Variants in FRYL observed in about 807,000 individuals in gnomAD.
FRYL encodes the protein protein furry homolog-like.
Under a neutral mutation model 351.2 loss-of-function variants are expected in FRYL, and 150 were observed. That is an observed-to-expected ratio of 0.43 (90% CI 0.37 to 0.49). FRYL has a LOEUF of 0.49. Among genes scored for constraint, FRYL ranks in the 20% least tolerant of loss-of-function variants. FRYL has a pLI of 0.00. For missense variants in FRYL, 3,036 were observed against 3,619.3 expected (o/e 0.84, Z 4.13); for synonymous variants, 1,153 against 1,257.1 (o/e 0.92, Z 1.75).
rs573351298 is a variant in FRYL at position 48,568,830 on chromosome 4, TACA to T, written c.2997-1413_2997-1411del. Among the ~76,000 whole-genome samples, 7 of 152,338 alleles carry T rather than the reference TACA, an allele frequency of 4.6e-5. No homozygotes were observed. The East Asian group carries it at 1.2e-3, about 25-fold the overall frequency. On this transcript the variant is annotated intron_variant, in intron 27 of 63. Transcript: ENST00000358350. ...TGGATAGGAAACTGATTTAGTGGAC[TACA>T]ACCTGTACCAGAATAAAATCTTCAT... is the stretch of plus-strand genomic sequence containing the variant.
chr4:48,661,379 C>T (rs1760685242), intron 3 of FRYL, among the ~76,000 whole-genome samples: 1 of 152,136 alleles, frequency 6.6e-6, no homozygotes, highest in Non-Finnish European at 1.5e-5. Context: ...AAGAGGAACA[C>T]TACAAGCACC....
intron 6 of FRYL, among the ~76,000 whole-genome samples, chr4:48,619,951 T>C (rs541132759): frequency 1.2e-4 from 18 of 152,368 alleles, no homozygotes; most frequent in Non-Finnish European, 2.2e-4. Flanking sequence ...GTATTTTAAA[T>C]TTCATTTAGA....
Position 48,557,637 on chromosome 4 carries a change from T to A in FRYL, c.3941A>T (p.Asn1314Ile). ...TTTTAAGTCCACCAGCTCGATGTTG[T>A]TCATCCATGGTAGCAGGTAGTGCAG... Reference protein sequence around the residue: ...VMLHYLLPWMNNIELVDLKPL... With the variant: ...VMLHYLLPWMINIELVDLKPL... Residue 1314 changes from asparagine to isoleucine, a missense_variant, in exon 34 of 64, where the codon AAC becomes ATC. Coordinates refer to ENST00000358350, the MANE Select transcript of FRYL (RefSeq NM_015030.2). The A allele has an allele frequency of 6.2e-7, 1 of 1,614,176 alleles. No individual in the cohort carries two copies. The highest frequency in any genetic ancestry group is 8.5e-7 in the Non-Finnish European group (1 of 1,180,028).
At chr4:48,710,320 CAT>C (rs1483779824) in intron 2 of FRYL, among the ~76,000 whole-genome samples, 197 bp downstream of exon 2, 3 of 152,298 alleles carry the variant, frequency 2.0e-5, no homozygotes, top group East Asian at 3.8e-4. Context: ...TAGTTGTTCA[CAT>C]GTGTTTATAT....
intron 1 of FRYL, among the ~76,000 whole-genome samples, chr4:48,769,047 G>A (rs1775258099): frequency 6.6e-6 from 1 of 151,752 alleles, no homozygotes; most frequent in Admixed American, 6.6e-5. Flanking sequence ...TGAGATGGGA[G>A]GATCACTTGA....
In FRYL at chr4:48,497,412, A is replaced by T. The variant is rs1718687234; in HGVS notation, c.*2010T>A. 6.6e-6 allele frequency: 1 copy of T among 152,568 alleles called. No homozygotes were observed. The highest frequency in any genetic ancestry group is 2.4e-5 in the African/African-American group (1 of 41,456). The allele number at this position is 152,568 out of a possible 1,614,324, so 9.5% of individuals were successfully genotyped here. A position where few individuals can be genotyped will look rare whatever the true frequency, so the allele number is the denominator to read the frequency against. ...ATATTAATAGACTTAGTTACATATA[A>T]ATAAACACAAAAAGCAAATATCAAC... On this transcript the variant is annotated 3_prime_UTR_variant, in exon 64 of 64. Transcript: ENST00000358350.
chr4:48,499,741 TTTAAG>T, intron 63 of FRYL, 61 bp from the exon 64 acceptor site: 1 of 1,486,332 alleles, frequency 6.7e-7, no homozygotes, highest in Non-Finnish European at 9.2e-7. Context: ...ACTAACTCAA[TTTAAG>T]TTAAATACCT....
At chr4:48,696,845 GATCTATCTATCTATCTATCT>G (rs71660456) in intron 2 of FRYL, among the ~76,000 whole-genome samples, 1,867 of 144,618 alleles carry the variant, frequency 0.013, 44 homozygotes, top group African/African-American at 0.043. Flanking sequence ...AACGATAAGA[GATCTATCTATCTATCTATCT>G]ATCTATCTAT....
intron 1 of FRYL, among the ~76,000 whole-genome samples, chr4:48,721,389 G>A (rs1769454490): frequency 6.6e-6 from 1 of 151,726 alleles, no homozygotes; most frequent in African/African-American, 2.4e-5. Flanking sequence ...GATTGGCTGG[G>A]CATGGTGGCT....
chr4:48,705,359 T>C (rs1252799848), intron 2 of FRYL, among the ~76,000 whole-genome samples: 2 of 151,554 alleles, frequency 1.3e-5, no homozygotes, highest in Admixed American at 6.6e-5. Flanking sequence ...TCCCCATCAA[T>C]TGGGAACTGG....
intron 3 of FRYL, among the ~76,000 whole-genome samples, chr4:48,667,161 G>A (rs1486164747): frequency 1.3e-5 from 2 of 152,096 alleles, no homozygotes; most frequent in Non-Finnish European, 2.9e-5. Flanking sequence ...AACAAAGTAT[G>A]TATTCTACCC....
At chr4:48,760,471 T>C (rs557399427) in intron 1 of FRYL, among the ~76,000 whole-genome samples, 4 of 152,346 alleles carry the variant, frequency 2.6e-5, no homozygotes, top group Admixed American at 6.5e-5. Context: ...CACATTATTA[T>C]ATAGTCTGCA....
chr4:48,552,157 C>A (rs1403108815), intron 36 of FRYL, among the ~76,000 whole-genome samples: 1 of 152,064 alleles, frequency 6.6e-6, no homozygotes, highest in Non-Finnish European at 1.5e-5. Flanking sequence ...GACTGCACCC[C>A]CCCCAACATC....
rs754642114 is a variant in FRYL at position 48,549,011 on chromosome 4, G to A, written c.4785-218C>T. ...AAGGGCTAAGGGTTCCTTGAACTCA[G>A]GAGCCACATTTTCTTCATCTTTCAA... is the stretch of plus-strand genomic sequence containing the variant. On this transcript the variant is annotated intron_variant, in intron 39 of 63. Coordinates refer to ENST00000358350, the MANE Select transcript of FRYL (RefSeq NM_015030.2). This position sits in a 1 kb window ranked among gnomAD's most constrained non-coding sequence, Gnocchi z 4.2. Among the ~76,000 whole-genome samples, 2 of 152,204 alleles carry A rather than the reference G, an allele frequency of 1.3e-5. No individual in the cohort carries two copies. The highest frequency in any genetic ancestry group is 2.9e-5 in the Non-Finnish European group (2 of 68,030).
intron 3 of FRYL, among the ~76,000 whole-genome samples, chr4:48,675,625 C>A (rs1763524406): frequency 6.6e-6 from 1 of 152,236 alleles, no homozygotes; most frequent in Non-Finnish European, 1.5e-5. Flanking sequence ...AGCCTCCCAC[C>A]CACTCCATGG....
At chr4:48,598,439 C>T (rs915812719) in intron 13 of FRYL, among the ~76,000 whole-genome samples, 1 of 152,142 alleles carries the variant, frequency 6.6e-6, no homozygotes, top group African/African-American at 2.4e-5. Context: ...TATGTACCCA[C>T]AAAAATTAAA....
chr4:48,594,969 A>C (rs1407634234), intron 15 of FRYL, among the ~76,000 whole-genome samples: 2 of 152,228 alleles, frequency 1.3e-5, no homozygotes, highest in Non-Finnish European at 1.5e-5. Context: ...TGAGGATATA[A>C]TTTAAACCCT....
intron 54 of FRYL, among the ~76,000 whole-genome samples, chr4:48,522,044 G>A (rs780645274): frequency 3.9e-5 from 6 of 152,138 alleles, no homozygotes; most frequent in Non-Finnish European, 8.8e-5. Context: ...TTGGGAGGCC[G>A]AGGTGGGAGG....
intron 1 of FRYL, among the ~76,000 whole-genome samples, chr4:48,751,838 A>AT (rs11413230): frequency 0.94 from 136,527 of 145,648 alleles, 64,205 homozygotes; most frequent in South Asian, 0.99. Flanking sequence ...AAGAGATTCA[A>AT]TTTTTTTTTT....
Sources: gnomAD v4.1 joint callset for allele counts (sites outside exome capture counted in the v4.1 genomes callset) on GRCh38, gnomAD v4.1.1 for gene constraint, Gnocchi (gnomAD v3.1) non-coding constraint, MANE v1.5 for transcripts, NCBI Gene and HGNC (gene_info 2026-07-23, HGNC 2026-07-21) for gene names.